Variants in PLD5 observed in about 807,000 individuals in gnomAD.
The protein encoded by PLD5 is phospholipase D family member 5.
PLD5 carries 36 observed loss-of-function variants against 61.1 expected under a neutral mutation model. The observed-to-expected ratio is 0.59, with a 90% confidence interval of 0.45 to 0.78. The LOEUF is 0.78. Ranked by LOEUF, PLD5 falls within the 30% of genes least tolerant of loss-of-function variation. The pLI is 0.00. For synonymous variants in PLD5, 243 were observed against 242.8 expected, an observed-to-expected ratio of 1.00 and a Z score of -0.01; for missense variants, 515 against 644.4, an observed-to-expected ratio of 0.80 and a Z score of 2.17.
chr1:242,502,118 C>T (rs1029180397), intron 1 of PLD5, among the ~76,000 whole-genome samples: 1 of 152,170 alleles, frequency 6.6e-6, no homozygotes, highest in Admixed American at 6.5e-5. Flanking sequence ...TGCAACCCAA[C>T]CCAGCTGTCC....
At chr1:242,482,085 T>G (rs1667797360) in intron 1 of PLD5, among the ~76,000 whole-genome samples, 1 of 151,966 alleles carries the variant, frequency 6.6e-6, no homozygotes, top group Non-Finnish European at 1.5e-5. Flanking sequence ...AGACCAAAGG[T>G]AGATAAAACC....
chr1:242,314,919 A>G (rs1408648591), intron 2 of PLD5, among the ~76,000 whole-genome samples: 37 of 152,130 alleles, frequency 2.4e-4, no homozygotes, highest in Admixed American at 2.4e-3. Flanking sequence ...TTAAAAATCT[A>G]ACAGTGAATT....
intron 1 of PLD5, among the ~76,000 whole-genome samples, chr1:242,419,386 G>GTTTTTTT (rs58320205): frequency 5.2e-5 from 5 of 96,502 alleles, no homozygotes; most frequent in Non-Finnish European, 8.4e-5. Flanking sequence ...CCTGATTTTT[G>GTTTTTTT]TTTTTTTTTT....
chr1:242,487,062 G>A (rs934449404), intron 1 of PLD5, among the ~76,000 whole-genome samples: 1 of 151,586 alleles, frequency 6.6e-6, no homozygotes, highest in African/African-American at 2.4e-5. Flanking sequence ...GGTCTGTTGT[G>A]GGGTGGCAGC....
chr1:242,379,477 G>A (rs12138275), intron 1 of PLD5, among the ~76,000 whole-genome samples: 27,578 of 152,062 alleles, frequency 0.18, 2,932 homozygotes, highest in African/African-American at 0.29. Context: ...AGGAAGAAGG[G>A]AAAAACTGTG....
intron 6 of PLD5, among the ~76,000 whole-genome samples, chr1:242,119,820 C>T (rs1558240920): frequency 6.6e-6 from 1 of 152,092 alleles, no homozygotes; most frequent in Non-Finnish European, 1.5e-5. Flanking sequence ...TAAATCCACT[C>T]CTATGTATAA....
chr1:242,136,610 A>G (rs917614573), intron 5 of PLD5, among the ~76,000 whole-genome samples: 1 of 152,200 alleles, frequency 6.6e-6, no homozygotes, highest in Non-Finnish European at 1.5e-5. Flanking sequence ...CAAAACACCC[A>G]AAGCACTACT....
intron 2 of PLD5, 24 bp downstream of exon 2, chr1:242,348,082 G>T (rs756175599): frequency 1.2e-6 from 2 of 1,610,702 alleles, no homozygotes; most frequent in Admixed American, 3.4e-5. Flanking sequence ...CCCTAAAAGA[G>T]AATTTTTGTT....
chr1:242,125,370 C>T (rs1012352434), intron 5 of PLD5, among the ~76,000 whole-genome samples: 1 of 152,016 alleles, frequency 6.6e-6, no homozygotes, highest in African/African-American at 2.4e-5. Flanking sequence ...CCACCTCTCT[C>T]AAGGCATGGA....
At position 242,513,037 on chromosome 1, in the gene PLD5, G is replaced by A. The variant is rs139202637; in HGVS notation, c.189+11051C>T. The stretch of plus-strand genomic sequence containing the variant: ...CAGGCATATAGACACGTGCTACCAC[G>A]CCTGGCTAATTTTTTAATTTTTTGT... On this transcript the variant is annotated intron_variant, in intron 1 of 9. Coordinates refer to ENST00000536534, the MANE Select transcript of PLD5 (RefSeq NM_001372062.1). Among the ~76,000 whole-genome samples, 102 of 151,916 alleles carry A rather than the reference G, an allele frequency of 6.7e-4. No homozygotes were observed. The East Asian group carries it at 0.013, about 19-fold the overall frequency.
rs374081545 is a variant in PLD5, at chr1:242,450,869, G to C, written c.189+73219C>G. Reference sequence around the variant, plus strand: ...CAAGATGTAGCTCAATGCTTGCATTGAGTAGGTTCTAGACACCCCTTTAAG... The same window carrying C: ...CAAGATGTAGCTCAATGCTTGCATTCAGTAGGTTCTAGACACCCCTTTAAG... On this transcript the variant is annotated intron_variant, in intron 1 of 9. Coordinates refer to ENST00000536534, the MANE Select transcript of PLD5 (RefSeq NM_001372062.1). Among the ~76,000 whole-genome samples, 50 of 152,284 alleles carry C rather than the reference G, an allele frequency of 3.3e-4. 1 individual carries two copies. In the East Asian group the frequency reaches 6.2e-3, roughly 19 times the overall value.
chr1:242,480,141 T>A (rs543533077), intron 1 of PLD5, among the ~76,000 whole-genome samples: 1 of 152,136 alleles, frequency 6.6e-6, no homozygotes, highest in South Asian at 2.1e-4. Flanking sequence ...TAAGATAATG[T>A]GGTACTGGCA....
chr1:242,389,877 G>A (rs868078179), intron 1 of PLD5, among the ~76,000 whole-genome samples: 17 of 151,956 alleles, frequency 1.1e-4, no homozygotes, highest in South Asian at 8.3e-4. Flanking sequence ...TCTTTTTTAT[G>A]AGCTAAAGAG....
At chr1:242,498,855 ATAAGT>A (rs1461149772) in intron 1 of PLD5, among the ~76,000 whole-genome samples, 1 of 152,246 alleles carries the variant, frequency 6.6e-6, no homozygotes, top group Non-Finnish European at 1.5e-5. Context: ...TGTCTAATAA[ATAAGT>A]TAAAGAATAG....
intron 5 of PLD5, among the ~76,000 whole-genome samples, chr1:242,148,095 A>C (rs1177225474): frequency 6.6e-6 from 1 of 152,070 alleles, no homozygotes. Flanking sequence ...ATCTTTGCCT[A>C]AGCCATGATC....
chr1:242,228,443 T>C (rs1191235898), intron 4 of PLD5, among the ~76,000 whole-genome samples: 2 of 152,200 alleles, frequency 1.3e-5, no homozygotes, highest in Non-Finnish European at 2.9e-5. Flanking sequence ...ATGTAGTCTC[T>C]ATTTGGTCAC....
intron 7 of PLD5, among the ~76,000 whole-genome samples, chr1:242,111,210 C>T (rs1661466793): frequency 6.6e-6 from 1 of 152,076 alleles, no homozygotes; most frequent in Non-Finnish European, 1.5e-5. Context: ...GTGTCTGCCA[C>T]CATGCCCAGC....
chr1:242,474,536 C>T (rs759477166), intron 1 of PLD5, among the ~76,000 whole-genome samples: 7 of 152,150 alleles, frequency 4.6e-5, no homozygotes, highest in Non-Finnish European at 1.0e-4. Context: ...GCAATAGAGC[C>T]TAAACTGGTC....
intron 2 of PLD5, among the ~76,000 whole-genome samples, chr1:242,301,125 A>T (rs1287435586): frequency 6.6e-6 from 1 of 151,868 alleles, no homozygotes; most frequent in African/African-American, 2.4e-5. Context: ...CCCACCCTCA[A>T]CACCCATGCC....
Sources: allele counts gnomAD v4.1 joint callset (sites outside exome capture counted in the v4.1 genomes callset), GRCh38; gene constraint gnomAD v4.1.1; transcripts MANE v1.5; gene names NCBI Gene and HGNC (gene_info 2026-07-23, HGNC 2026-07-21).